The following ZNF559 variants were observed in gnomAD, a reference collection of about 807,000 sequenced individuals.
The protein encoded by ZNF559 is zinc finger protein 559.
A neutral mutation model predicts 14.2 loss-of-function variants in ZNF559; 17 were observed. That is an observed-to-expected ratio of 1.20 (90% CI 0.82 to 1.80). The LOEUF is 1.80. ZNF559 is among the 40% of genes most tolerant of loss of function. ZNF559 has a pLI of 0.00. For missense variants in ZNF559, 740 were observed against 629.7 expected, an observed-to-expected ratio of 1.18 and a Z score of -1.88; for synonymous variants, 244 against 212.4, an observed-to-expected ratio of 1.15 and a Z score of -1.29.
rs532712914 is a variant in ZNF559, at chr19:9,343,278, A to C, written c.*210A>C. 8 of 1,366,168 alleles carry C rather than the reference A, an allele frequency of 5.9e-6. No homozygotes were observed. The highest frequency in any genetic ancestry group is 7.5e-6 in the Non-Finnish European group (8 of 1,060,546). 84.6% of individuals were successfully genotyped at this position (1,366,168 alleles called of 1,614,324 possible). The stretch of plus-strand genomic sequence containing the variant: ...CTTGGCTCCTTCCATAGGCCTTACT[A>C]TTCATGTGTCTGTGCATCCTAGGAA... On this transcript the variant is annotated 3_prime_UTR_variant, in exon 7 of 7. Transcript: ENST00000603380.
rs531973512 is a variant in ZNF559, at chr19:9,341,968, C to A, written c.517C>A (p.Leu173Ile). The stretch of plus-strand genomic sequence containing the variant: ...CAAGAAAACTAGCCAAAATCTACAT[C>A]TTGTTTGCAAGAAAACTCACACTCA... ...VCKKTSQNLH[L>I]VCKKTHTQEK... is the part of the protein sequence containing the mutation. The change falls in exon 7 of 7, where the codon CTT becomes ATT. Residue 173 changes from leucine (L) to isoleucine (I), a missense_variant. Transcript: ENST00000603380. 1 of 1,613,776 alleles carries A rather than the reference C, an allele frequency of 6.2e-7. No homozygotes were observed. The highest frequency in any genetic ancestry group is 1.7e-5 in the Admixed American group (1 of 59,952).
At chr19:9,338,604 C>T in intron 4 of ZNF559, 22 bp downstream of exon 4, 1 of 1,568,896 alleles carries the variant, frequency 6.4e-7, no homozygotes, top group Non-Finnish European at 8.8e-7. Flanking sequence ...ATTGCTTTTT[C>T]TGTAGAAGCA....
At chr19:9,324,670 C>G in intron 1 of ZNF559, 25 bp from the exon 2 acceptor site, 1 of 1,466,446 alleles carries the variant, frequency 6.8e-7, no homozygotes, top group Non-Finnish European at 9.1e-7. Flanking sequence ...TCTCCACATC[C>G]AGCGTTGTGC....
chr19:9,326,615 C>T (rs1248928198), intron 2 of ZNF559, among the ~76,000 whole-genome samples: 1 of 151,904 alleles, frequency 6.6e-6, no homozygotes, highest in Non-Finnish European at 1.5e-5. Context: ...TTTTAGTAGC[C>T]AAATTAGAAA....
intron 2 of ZNF559, among the ~76,000 whole-genome samples, chr19:9,330,626 TC>T (rs755909501): frequency 6.6e-6 from 1 of 152,228 alleles, no homozygotes; most frequent in Non-Finnish European, 1.5e-5. Flanking sequence ...ATTGTACTCT[TC>T]AACTCCAGTA....
At chr19:9,339,445 CAT>C in intron 5 of ZNF559, 126 bp downstream of exon 5, 1 of 1,114,092 alleles carries the variant, frequency 9.0e-7, no homozygotes, top group Non-Finnish European at 1.3e-6. Flanking sequence ...GTTTCCATCT[CAT>C]AGACCTTACT....
At position 9,338,513 on chromosome 19, in the gene ZNF559, T is replaced by C; in HGVS notation, c.-37T>C. On this transcript the variant is annotated 5_prime_UTR_variant, in exon 4 of 7. Coordinates refer to ENST00000603380, the MANE Select transcript of ZNF559 (RefSeq NM_032497.3). ...CTTAAGATCATCTTTCTCAAGATGT[T>C]TTCTGTCTTCATGAGTCAAAATTTG... The C allele has an allele frequency of 6.2e-7, 1 of 1,613,832 alleles. No homozygotes were observed. Among genetic ancestry groups the C allele is most frequent in the Non-Finnish European group, 8.5e-7 (1 of 1,179,738 alleles).
At chr19:9,330,715 A>T (rs1447234452) in intron 2 of ZNF559, among the ~76,000 whole-genome samples, 1 of 152,078 alleles carries the variant, frequency 6.6e-6, no homozygotes, top group Non-Finnish European at 1.5e-5. Context: ...CCTGACCTAT[A>T]GTTATGTATC....
At position 9,342,175 on chromosome 19, in the gene ZNF559, GAA is replaced by G. The variant is rs1157129642; in HGVS notation, c.725_726del (p.Glu242ValfsTer2). 2 of 1,609,238 alleles carry G rather than the reference GAA, an allele frequency of 1.2e-6. No homozygotes were observed. The highest frequency in any genetic ancestry group is 8.5e-7 in the Non-Finnish European group (1 of 1,178,642). The stretch of plus-strand genomic sequence containing the variant: ...AACTCAAGATGGAGAAAAATTCTAT[GAA>G]TGTAAAGCATGTGGGAAACCCTTCA... ...MQTQDGEKFY[E>X]CKACGKPFTE... On this transcript the variant is annotated frameshift_variant, in exon 7 of 7. Coordinates refer to ENST00000603380, the MANE Select transcript of ZNF559 (RefSeq NM_032497.3). LOFTEE classifies it low-confidence loss of function (END_TRUNC).
intron 2 of ZNF559, among the ~76,000 whole-genome samples, chr19:9,328,219 T>G (rs2066735332): frequency 6.6e-6 from 1 of 152,100 alleles, no homozygotes; most frequent in African/African-American, 2.4e-5. Flanking sequence ...ATTACTTTAT[T>G]TAGTATTGAG....
Position 9,332,355 on chromosome 19 carries a change from G to GTGTATATATATATA in ZNF559, c.-119-5440_-119-5439insGTATATATATATAT, listed in dbSNP as rs138636441. Among the ~76,000 whole-genome samples, 20 of 150,060 alleles carry GTGTATATATATATA rather than the reference G, an allele frequency of 1.3e-4. 1 individual carries two copies. In the East Asian group the frequency reaches 1.4e-3, roughly 10 times the overall value. On this transcript the variant is annotated intron_variant, in intron 2 of 6. Coordinates refer to ENST00000603380, the MANE Select transcript of ZNF559 (RefSeq NM_032497.3). ...GAGGTATACATATGTATGTGTGTGTGTATATATATATATATCACTGTATTC... is the reference window on the plus strand; with the variant it reads ...GAGGTATACATATGTATGTGTGTGTGTGTATATATATATATATATATATATATATCACTGTATTC...
At chr19:9,325,343 G>A (rs951028390) in intron 2 of ZNF559, among the ~76,000 whole-genome samples, 13 of 152,126 alleles carry the variant, frequency 8.5e-5, no homozygotes, top group Middle Eastern at 6.8e-3. Flanking sequence ...TTTGGAGGCC[G>A]AGATGCGAGG....
chr19:9,339,855 G>A (rs1033979141), intron 5 of ZNF559, among the ~76,000 whole-genome samples: 16 of 147,146 alleles, frequency 1.1e-4, no homozygotes, highest in Non-Finnish European at 1.8e-4. Context: ...TGCAAGCTCC[G>A]CCTCCCGGGT....
At chr19:9,324,289 A>G in intron 1 of ZNF559, 61 bp downstream of exon 1, 5 of 1,535,716 alleles carry the variant, frequency 3.3e-6, no homozygotes, top group Non-Finnish European at 4.4e-6. Flanking sequence ...CGAGAGTAGA[A>G]GGGTGGAAAG....
At chr19:9,329,235 A>T (rs1034395284) in intron 2 of ZNF559, among the ~76,000 whole-genome samples, 1 of 152,174 alleles carries the variant, frequency 6.6e-6, no homozygotes, top group Non-Finnish European at 1.5e-5. Flanking sequence ...TTATATTTAT[A>T]TACAATATGA....
At chr19:9,329,371 C>T (rs533463632) in intron 2 of ZNF559, among the ~76,000 whole-genome samples, 6 of 152,128 alleles carry the variant, frequency 3.9e-5, no homozygotes, top group African/African-American at 1.2e-4. Context: ...ATTGCTTTTT[C>T]TTCTTTCAGA....
rs1295254435 is a variant in ZNF559, at chr19:9,344,831, GA to G, written c.*1764del. 6.6e-6 allele frequency: 1 copy of G among 151,994 alleles called. No individual in the cohort carries two copies. Among genetic ancestry groups the G allele is most frequent in the Non-Finnish European group, 1.5e-5 (1 of 67,992 alleles). 9.4% of individuals were successfully genotyped at this position (151,994 alleles called of 1,614,324 possible). On this transcript the variant is annotated 3_prime_UTR_variant, in exon 7 of 7. Transcript: ENST00000603380. Reference sequence around the variant, plus strand: ...CTGAGAATCTTTGGTTTGAATTATTGAGGCAGGTTCTTTCAGTAAGTTTGAG... The same window carrying G: ...CTGAGAATCTTTGGTTTGAATTATTGGGCAGGTTCTTTCAGTAAGTTTGAG...
At chr19:9,328,884 A>G (rs1016145478) in intron 2 of ZNF559, among the ~76,000 whole-genome samples, 1 of 152,244 alleles carries the variant, frequency 6.6e-6, no homozygotes, top group Non-Finnish European at 1.5e-5. Flanking sequence ...AAAATATTAC[A>G]TAAGCCCTCC....
intron 2 of ZNF559, among the ~76,000 whole-genome samples, chr19:9,327,809 C>T (rs2066707429): frequency 6.6e-6 from 1 of 152,020 alleles, no homozygotes; most frequent in African/African-American, 2.4e-5. Flanking sequence ...TATTGATGCT[C>T]AAACTGTCCC....
Sources: allele counts gnomAD v4.1 joint callset (sites outside exome capture counted in the v4.1 genomes callset), GRCh38; gene constraint gnomAD v4.1.1; transcripts MANE v1.5; gene names NCBI Gene and HGNC (gene_info 2026-07-23, HGNC 2026-07-21).